The following PPP2R2C variants were observed in gnomAD, a reference collection of about 807,000 sequenced individuals.
PPP2R2C encodes the protein protein phosphatase 2 regulatory subunit Bgamma, also known as protein phosphatase 2, regulatory subunit B, gamma.
A neutral mutation model predicts 45.3 loss-of-function variants in PPP2R2C; 10 were observed. The ratio of observed to expected loss-of-function variants is 0.22; its 90% CI spans 0.14 to 0.37. The LOEUF is 0.37. PPP2R2C is among the 10% of genes least tolerant of loss of function. PPP2R2C has a pLI of 1.00. For synonymous variants in PPP2R2C, 257 were observed against 245.4 expected (o/e 1.05, Z -0.44); for missense variants, 308 against 619.7 (o/e 0.50, Z 5.34).
chr4:6,511,492 GTGA>G (rs1191852069), intron 2 of PPP2R2C, among the ~76,000 whole-genome samples: 6 of 90,874 alleles, frequency 6.6e-5, no homozygotes, highest in South Asian at 4.7e-4. Flanking sequence ...GGTGTTGGTG[GTGA>G]TGGCGGTGAT....
chr4:6,446,219 G>C (rs1005465139), intron 1 of PPP2R2C, among the ~76,000 whole-genome samples: 1 of 152,190 alleles, frequency 6.6e-6, no homozygotes, highest in Non-Finnish European at 1.5e-5. Context: ...ACTCGGAGCT[G>C]CCCCTGCAGC....
intron 2 of PPP2R2C, among the ~76,000 whole-genome samples, chr4:6,525,508 A>T (rs1263666737): frequency 6.6e-6 from 1 of 151,978 alleles, no homozygotes; most frequent in Admixed American, 6.6e-5. Context: ...CCTTAAAAAA[A>T]AACCTGAGTT....
intron 1 of PPP2R2C, among the ~76,000 whole-genome samples, chr4:6,548,458 C>G (rs879406686): frequency 2.0e-5 from 3 of 152,198 alleles, no homozygotes; most frequent in Non-Finnish European, 2.9e-5. Flanking sequence ...AACCCTTGTG[C>G]GTGACATCTG....
chr4:6,389,294 C>T (rs1027611110), intron 1 of PPP2R2C, among the ~76,000 whole-genome samples: 3 of 152,230 alleles, frequency 2.0e-5, no homozygotes, highest in Non-Finnish European at 4.4e-5. Flanking sequence ...ACTTCCTCCC[C>T]AGCACGTCGG....
intron 1 of PPP2R2C, among the ~76,000 whole-genome samples, chr4:6,415,949 C>A (rs920185414): frequency 2.4e-4 from 37 of 152,350 alleles, no homozygotes; most frequent in African/African-American, 8.2e-4. Context: ...ACTCTGCCAG[C>A]TGGACCCAAA....
chr4:6,510,994 C>CAAAAAAAAAAAAAAAAAAAAAAAAAAA (rs200316130), intron 2 of PPP2R2C, among the ~76,000 whole-genome samples: 1 of 33,226 alleles, frequency 3.0e-5, no homozygotes, highest in Non-Finnish European at 1.3e-4. Flanking sequence ...AAAAAACAAA[C>CAAAAAAAAAAAAAAAAAAAAAAAAAAA]AAACAAAAAA....
At chr4:6,365,591 G>GCCCA (rs1316273311) in intron 5 of PPP2R2C, among the ~76,000 whole-genome samples, 1 of 152,200 alleles carries the variant, frequency 6.6e-6, no homozygotes, top group Non-Finnish European at 1.5e-5. Flanking sequence ...GGGTCCCTTG[G>GCCCA]CCCAGCACAG....
At chr4:6,560,641 T>C (rs113883248) in intron 1 of PPP2R2C, among the ~76,000 whole-genome samples, 3 of 152,346 alleles carry the variant, frequency 2.0e-5, no homozygotes, top group Non-Finnish European at 2.9e-5. Context: ...ACTGGAGCTC[T>C]GTGCCTATCC....
intron 1 of PPP2R2C, among the ~76,000 whole-genome samples, chr4:6,451,883 C>T (rs773583636): frequency 1.3e-5 from 2 of 152,188 alleles, no homozygotes; most frequent in African/African-American, 2.4e-5. Context: ...GAGGGCTCCA[C>T]GGAACCCTCA....
chr4:6,511,508 TG>T, intron 2 of PPP2R2C, among the ~76,000 whole-genome samples: 1 of 29,870 alleles, frequency 3.3e-5, no homozygotes, highest in Non-Finnish European at 8.3e-5. Context: ...GCGGTGATGG[TG>T]GTGGTGGTGG....
At chr4:6,437,439 T>C (rs11735902) in intron 1 of PPP2R2C, among the ~76,000 whole-genome samples, 7 of 152,206 alleles carry the variant, frequency 4.6e-5, no homozygotes, top group African/African-American at 9.6e-5. Flanking sequence ...ATTTTAAAGA[T>C]GGGGGAACTA....
intron 1 of PPP2R2C, among the ~76,000 whole-genome samples, chr4:6,538,831 G>T (rs1459620352): frequency 1.3e-5 from 2 of 152,182 alleles, no homozygotes; most frequent in Admixed American, 1.3e-4. Flanking sequence ...CGGCCCTGCT[G>T]CTTGAGCTAC....
At chr4:6,530,658 G>A (rs1724366853) in intron 2 of PPP2R2C, among the ~76,000 whole-genome samples, 1 of 152,160 alleles carries the variant, frequency 6.6e-6, no homozygotes, top group African/African-American at 2.4e-5. Context: ...CTGTGTTTTT[G>A]GGAATCAACT....
At position 6,332,843 on chromosome 4, in the gene PPP2R2C, C is replaced by T. The variant is rs780401617; in HGVS notation, c.960+719G>A. 5.9e-5 allele frequency among the ~76,000 whole-genome samples: 9 copies of T among 152,124 alleles called. No homozygotes were observed. The highest frequency in any genetic ancestry group is 2.1e-4 in the South Asian group (1 of 4,814). On this transcript the variant is annotated intron_variant, in intron 7 of 8. Transcript: ENST00000382599. This position sits in a 1 kb window ranked among gnomAD's most constrained non-coding sequence, Gnocchi z 4.9. ...GGGTGTTTTCCCACCCATGTTTGCA[C>T]GGCCAGATCTTACCCATCCTTCAAG...
At chr4:6,375,385 C>A (rs1268310532) in intron 4 of PPP2R2C, among the ~76,000 whole-genome samples, 1 of 152,184 alleles carries the variant, frequency 6.6e-6, no homozygotes, top group Non-Finnish European at 1.5e-5. Context: ...ACGGTCCAGG[C>A]TTCCTTCTGC....
intron 1 of PPP2R2C, chr4:6,420,840 A>G: frequency 1.4e-6 from 1 of 717,448 alleles, no homozygotes; most frequent in Non-Finnish European, 1.7e-6. Flanking sequence ...GGGACATGCC[A>G]GTGCCCAGGT....
intron 1 of PPP2R2C, among the ~76,000 whole-genome samples, chr4:6,466,956 G>A (rs1246717169): frequency 2.0e-5 from 3 of 152,140 alleles, no homozygotes; most frequent in African/African-American, 4.8e-5. Flanking sequence ...GACAGCAGTC[G>A]CCTTTTACAC....
At position 6,331,329 on chromosome 4, in the gene PPP2R2C, C is replaced by T. The variant is rs1240882605; in HGVS notation, c.961-1976G>A. 6.6e-6 allele frequency among the ~76,000 whole-genome samples: 1 copy of T among 152,082 alleles called. No individual in the cohort carries two copies. Among genetic ancestry groups the T allele is most frequent in the Non-Finnish European group, 1.5e-5 (1 of 68,012 alleles). ...TTTGCCATTTAACTCAATTGTCTTC[C>T]AATAAAATGGGATGGGGAGAATACC... On this transcript the variant is annotated intron_variant, in intron 7 of 8. Transcript: ENST00000382599. The surrounding 1 kb of genome is among the most constrained non-coding windows in gnomAD (Gnocchi z 5.9).
intron 1 of PPP2R2C, among the ~76,000 whole-genome samples, chr4:6,434,512 C>A (rs894551868): frequency 2.0e-5 from 3 of 151,996 alleles, no homozygotes; most frequent in Admixed American, 1.3e-4. Flanking sequence ...GCATGCACCA[C>A]CACGCCTGGC....
Sources: allele counts gnomAD v4.1 joint callset (sites outside exome capture counted in the v4.1 genomes callset), GRCh38; gene constraint gnomAD v4.1.1; non-coding constraint Gnocchi (gnomAD v3.1); transcripts MANE v1.5; gene names NCBI Gene and HGNC (gene_info 2026-07-23, HGNC 2026-07-21).